The following TBC1D30 variants were observed in gnomAD, a reference collection of about 807,000 sequenced individuals.
TBC1D30 encodes the protein TBC1 domain family, member 30.
A neutral mutation model predicts 63.2 loss-of-function variants in TBC1D30; 31 were observed. That is an observed-to-expected ratio of 0.49 (90% CI 0.37 to 0.66). The LOEUF (loss-of-function observed/expected upper bound fraction) is 0.66, where lower values mean the gene tolerates loss of function less well. Ranked by LOEUF, TBC1D30 falls within the 30% of genes least tolerant of loss-of-function variation. The pLI is 0.00. For synonymous variants in TBC1D30, 307 were observed against 361.5 expected (o/e 0.85, Z 1.71); for missense variants, 810 against 953.6 (o/e 0.85, Z 1.98).
intron 7 of TBC1D30, among the ~76,000 whole-genome samples, chr12:64,840,407 G>A (rs184542060): frequency 3.9e-4 from 60 of 152,242 alleles, no homozygotes; most frequent in Admixed American, 4.6e-4. Context: ...AAGAAAAGAG[G>A]TTATCCTGGT....
chr12:64,872,224 C>T (rs1422804728), intron 11 of TBC1D30, among the ~76,000 whole-genome samples: 1 of 152,136 alleles, frequency 6.6e-6, no homozygotes, highest in Non-Finnish European at 1.5e-5. Context: ...GACGGGATTT[C>T]ACCATGTTGG....
At chr12:64,759,523 C>T (rs997451486) in exon 1 of TBC1D30, 1 of 485,876 alleles carries the variant, frequency 2.1e-6, no homozygotes, top group East Asian at 3.3e-5. Context: ...AGGGAGGCAT[C>T]AGGCAGTGGC....
chr12:64,800,569 T>C (rs1261281516), intron 2 of TBC1D30, among the ~76,000 whole-genome samples: 1 of 151,678 alleles, frequency 6.6e-6, no homozygotes, highest in Non-Finnish European at 1.5e-5. Flanking sequence ...AGAGGAGGAA[T>C]CTGGGTGGAT....
intron 8 of TBC1D30, among the ~76,000 whole-genome samples, chr12:64,862,987 G>T (rs1300703922): frequency 6.6e-6 from 1 of 152,164 alleles, no homozygotes; most frequent in Middle Eastern, 3.2e-3. Flanking sequence ...CCTCAAAAGG[G>T]TATGTGGAGC....
In TBC1D30 at chr12:64,870,668, C is replaced by T. The variant is rs936492477; in HGVS notation, c.1358C>T (p.Ser453Phe). 2.0e-5 allele frequency: 30 copies of T among 1,535,988 alleles called. No individual in the cohort carries two copies. In the African/African-American group the frequency reaches 3.6e-4, roughly 18 times the overall value. Residue 453 changes from serine (S) to phenylalanine (F), a missense_variant, in exon 11 of 12, where the codon TCC becomes TTC. Transcript: ENST00000539867. ...IAELSPGAIN[S>F]CRSEYHAAFN... The stretch of plus-strand genomic sequence containing the variant: ...GAGCTGAGTCCAGGAGCAATCAATT[C>T]CTGTCGAAGTGAATACCATGCAGCT...
chr12:64,788,192 G>GGTGT (rs61697442), intron 2 of TBC1D30, among the ~76,000 whole-genome samples: 5,446 of 145,084 alleles, frequency 0.038, 245 homozygotes, highest in African/African-American at 0.11. Flanking sequence ...GGTGTGTAGG[G>GGTGT]GTGTGTGTGT....
At chr12:64,853,300 C>G (rs950183066) in intron 8 of TBC1D30, among the ~76,000 whole-genome samples, 5 of 152,186 alleles carry the variant, frequency 3.3e-5, no homozygotes, top group Non-Finnish European at 5.9e-5. Context: ...GAGAGGAAAA[C>G]CACCTACTCA....
intron 1 of TBC1D30, among the ~76,000 whole-genome samples, chr12:64,773,938 G>T (rs567346644): frequency 6.6e-6 from 1 of 152,302 alleles, no homozygotes; most frequent in African/African-American, 2.4e-5. Context: ...CCAGGCCAAG[G>T]CTGTGATGGC....
At chr12:64,804,449 C>T (rs1244125019) in intron 2 of TBC1D30, among the ~76,000 whole-genome samples, 1 of 152,212 alleles carries the variant, frequency 6.6e-6, no homozygotes, top group East Asian at 1.9e-4. Flanking sequence ...GACAATTTGA[C>T]TCCCTCTTTT....
At chr12:64,857,719 C>T (rs1877428385) in intron 8 of TBC1D30, among the ~76,000 whole-genome samples, 1 of 152,214 alleles carries the variant, frequency 6.6e-6, no homozygotes, top group Non-Finnish European at 1.5e-5. Context: ...CCTAGGACCC[C>T]AGAGCACTTT....
At chr12:64,781,358 T>G (rs1390260273) in intron 1 of TBC1D30, 1 of 1,038,978 alleles carries the variant, frequency 9.6e-7, no homozygotes, top group Non-Finnish European at 1.2e-6. Context: ...CTGCCCGCGC[T>G]CCAGCGCGCA....
intron 8 of TBC1D30, among the ~76,000 whole-genome samples, chr12:64,843,702 G>A (rs923754821): frequency 1.3e-5 from 2 of 152,244 alleles, no homozygotes; most frequent in African/African-American, 4.8e-5. Flanking sequence ...CTGTCAGACT[G>A]TGTTGCTTAG....
Position 64,827,782 on chromosome 12 carries a change from A to G in TBC1D30, c.155-53A>G. ...TCAAGCTTTTACTAGTATTTTTGAT[A>G]TAACTTGTTATAGTCTCCAAAAATA... On this transcript the variant is annotated intron_variant, in intron 1 of 11. Coordinates refer to ENST00000539867, the MANE Select transcript of TBC1D30 (RefSeq NM_015279.2). 4 of 1,232,690 alleles carry G rather than the reference A, an allele frequency of 3.2e-6. No individual in the cohort carries two copies. In the South Asian group the frequency reaches 5.6e-5, roughly 17 times the overall value. The allele number at this position is 1,232,690 out of a possible 1,614,324, so 76.4% of individuals were successfully genotyped here.
intron 1 of TBC1D30, among the ~76,000 whole-genome samples, chr12:64,782,666 T>C (rs1447486324): frequency 6.6e-6 from 1 of 152,200 alleles, no homozygotes; most frequent in African/African-American, 2.4e-5. Flanking sequence ...AAGAGGAAAA[T>C]TGGCAGACTA....
At chr12:64,771,689 T>C (rs1870910912) in intron 1 of TBC1D30, among the ~76,000 whole-genome samples, 1 of 152,012 alleles carries the variant, frequency 6.6e-6, no homozygotes, top group South Asian at 2.1e-4. Flanking sequence ...AGGTGCAAGG[T>C]AGAAATGGAT....
intron 11 of TBC1D30, among the ~76,000 whole-genome samples, chr12:64,874,411 T>C (rs1004348515): frequency 6.6e-6 from 1 of 152,214 alleles, no homozygotes; most frequent in Non-Finnish European, 1.5e-5. Flanking sequence ...TTGGTGCTTT[T>C]CAGTTTTCAA....
chr12:64,865,813 C>T (rs935975541), intron 9 of TBC1D30, among the ~76,000 whole-genome samples: 4 of 152,156 alleles, frequency 2.6e-5, no homozygotes, highest in Non-Finnish European at 5.9e-5. Context: ...TTGGAAACCA[C>T]TCAAGTGTAT....
Position 64,866,856 on chromosome 12 carries a change from G to T in TBC1D30, c.1244G>T (p.Ser415Ile). Reference sequence around the variant, plus strand: ...GCAGTGGGGTGTCTTGGACCTTTTAGTGGGTTCCTGGCTCCTGAACTGCAG... The same window carrying T: ...GCAGTGGGGTGTCTTGGACCTTTTATTGGGTTCCTGGCTCCTGAACTGCAG... ...VNAVGCLGPFSGFLAPELQKY... is the reference protein window; with the variant it reads ...VNAVGCLGPFIGFLAPELQKY... The change falls in exon 10 of 12, where the codon AGT (serine) becomes ATT (isoleucine). Residue 415 changes from serine to isoleucine, a missense_variant. Physicochemically the swap from Ser to Ile is moderately radical, Grantham distance 142. Coordinates refer to ENST00000539867, the MANE Select transcript of TBC1D30 (RefSeq NM_015279.2). The T allele has an allele frequency of 6.5e-7, 1 of 1,536,328 alleles. No homozygotes were observed.
intron 2 of TBC1D30, among the ~76,000 whole-genome samples, chr12:64,792,803 A>G (rs754848899): frequency 7.9e-5 from 12 of 152,108 alleles, no homozygotes; most frequent in Non-Finnish European, 1.5e-4. Context: ...TAAACCCATG[A>G]CCTCAAATGA....
Sources: gnomAD v4.1 joint callset for allele counts (sites outside exome capture counted in the v4.1 genomes callset) on GRCh38, gnomAD v4.1.1 for gene constraint, MANE v1.5 for transcripts, NCBI Gene and HGNC (gene_info 2026-07-23, HGNC 2026-07-21) for gene names.